DOCK8: variants seen among roughly 807,000 people sequenced by gnomAD.
DOCK8 encodes dedicator of cytokinesis 8, also known as dedicator of cytokinesis protein 8.
Under a neutral mutation model 245.6 loss-of-function variants are expected in DOCK8, and 141 were observed. That is an observed-to-expected ratio of 0.57 (90% CI 0.50 to 0.66). DOCK8 has a LOEUF of 0.66. Ranked by LOEUF, DOCK8 falls within the 30% of genes least tolerant of loss-of-function variation. The probability of loss-of-function intolerance (pLI) is 0.00; values close to 1 mark genes in which losing one functional copy is unlikely to be tolerated. For missense variants in DOCK8, 2,965 were observed against 2,603.4 expected (o/e 1.14, Z -3.02); for synonymous variants, 1,168 against 970.2 (o/e 1.20, Z -3.79).
rs559700991 is a variant in DOCK8, at chr9:401,626, CTG to C, written c.3234+2368_3234+2369del. The stretch of plus-strand genomic sequence containing the variant: ...TTATATGAGCTATTTTTGTTAATGA[CTG>C]GGCATGGTAAAATTTGAGTTAGGTA... On this transcript the variant is annotated intron_variant, in intron 26 of 47. Coordinates refer to ENST00000432829, the MANE Select transcript of DOCK8 (RefSeq NM_203447.4). 2.3e-3 allele frequency among the ~76,000 whole-genome samples: 353 copies of C among 152,138 alleles called. 4 individuals carry two copies. Among genetic ancestry groups the C allele is most frequent in the African/African-American group, 8.0e-3 (331 of 41,508 alleles).
chr9:277,654 A>G (rs1044314610), intron 2 of DOCK8, among the ~76,000 whole-genome samples: 1 of 152,112 alleles, frequency 6.6e-6, no homozygotes, highest in Non-Finnish European at 1.5e-5. Flanking sequence ...ACCTTAAGCT[A>G]CATATTTTAT....
At chr9:262,692 G>T (rs2047946232) in intron 1 of DOCK8, among the ~76,000 whole-genome samples, 1 of 151,796 alleles carries the variant, frequency 6.6e-6, no homozygotes, top group South Asian at 2.1e-4. Context: ...AATTAAGAAG[G>T]GGCATGAAGA....
rs201776049 is a variant in DOCK8 at position 441,358 on chromosome 9, C to T, written c.5296C>T (p.Arg1766Trp). The change falls in exon 41 of 48, where the codon CGG becomes TGG. Residue 1766 changes from arginine to tryptophan, a missense_variant. Transcript: ENST00000432829. ...IPILEAHREF[R>W]KLTLTHSKLQ... ...CATCCTAGAAGCGCATCGAGAATTC[C>T]GGAAGCTGACACTCACTCACAGCAA... is the stretch of plus-strand genomic sequence containing the variant. 297 of 1,614,064 alleles carry T rather than the reference C, an allele frequency of 1.8e-4. No homozygotes were observed. Among genetic ancestry groups the T allele is most frequent in the Admixed American group, 4.2e-4 (25 of 60,008 alleles).
chr9:429,827 C>T lies in DOCK8; in HGVS notation c.4599C>T (p.Leu1533=). 1 of 1,614,158 alleles carries T rather than the reference C, an allele frequency of 6.2e-7. No homozygotes were observed. The highest frequency in any genetic ancestry group is 8.5e-7 in the Non-Finnish European group (1 of 1,180,020). ...RSQACATLYL[L]MRFSFGATSN... is the part of the protein sequence containing the mutation. ...AAGCCTGTGCCACCCTTTACCTCCTCATGAGGTTCAGTTTTGGAGCCACCA... is the reference window on the plus strand; with the variant it reads ...AAGCCTGTGCCACCCTTTACCTCCTTATGAGGTTCAGTTTTGGAGCCACCA... Residue 1533 remains leucine, a synonymous_variant, in exon 36 of 48, where the codon CTC becomes CTT. Transcript: ENST00000432829.
At chr9:429,567 C>G (rs2056631907) in intron 35 of DOCK8, 135 bp from the exon 36 acceptor site, 3 of 1,017,554 alleles carry the variant, frequency 2.9e-6, no homozygotes, top group African/African-American at 3.2e-5. Flanking sequence ...TCACATAGCT[C>G]ATTATCTTTA....
rs922714329 is a variant in DOCK8 at position 428,348 on chromosome 9, T to C, written c.4339-14T>C. The C allele has an allele frequency of 2.5e-6, 4 of 1,614,082 alleles. No individual in the cohort carries two copies. The African/African-American group carries it at 5.3e-5, about 22-fold the overall frequency. On this transcript the variant is annotated splice_polypyrimidine_tract_variant and intron_variant, in intron 34 of 47. Coordinates refer to ENST00000432829, the MANE Select transcript of DOCK8 (RefSeq NM_203447.4). ...GTGCAGGGATTCAATGATGCTGTTC[T>C]TCCATTCCCCCAGGCGAGCTCGGCT...
Position 422,144 on chromosome 9 carries a change from C to G in DOCK8, c.4241+9C>G. On this transcript the variant is annotated intron_variant, in intron 33 of 47. Transcript: ENST00000432829. ...AATGAGAAGCTAGATAAGTGAGTCACTCGGCAACTTTCTGCTACTTTTACC... is the reference window on the plus strand; with the variant it reads ...AATGAGAAGCTAGATAAGTGAGTCAGTCGGCAACTTTCTGCTACTTTTACC... 1 of 1,613,416 alleles carries G rather than the reference C, an allele frequency of 6.2e-7. No individual in the cohort carries two copies. Among genetic ancestry groups the G allele is most frequent in the Non-Finnish European group, 8.5e-7 (1 of 1,179,440 alleles).
intron 14 of DOCK8, among the ~76,000 whole-genome samples, chr9:343,944 C>T (rs1298090994): frequency 6.6e-6 from 1 of 152,228 alleles, no homozygotes; most frequent in African/African-American, 2.4e-5. Context: ...CCCTTAATTA[C>T]ATCACAGTGG....
intron 34 of DOCK8, among the ~76,000 whole-genome samples, chr9:427,924 T>C (rs2056559842): frequency 6.6e-6 from 1 of 152,252 alleles, no homozygotes; most frequent in Non-Finnish European, 1.5e-5. Context: ...CCTTTTGTTA[T>C]TATCCTTGGT....
chr9:260,871 A>C (rs1322425239), intron 1 of DOCK8, among the ~76,000 whole-genome samples: 1 of 152,240 alleles, frequency 6.6e-6, no homozygotes, highest in Non-Finnish European at 1.5e-5. Flanking sequence ...AGGAATGAAC[A>C]ATGGGTGAAC....
At chr9:368,228 C>A in intron 15 of DOCK8, 93 bp downstream of exon 15, 1 of 1,085,120 alleles carries the variant, frequency 9.2e-7, no homozygotes, top group South Asian at 1.2e-5. Flanking sequence ...TGTACAAAGT[C>A]CGTCTATTCC....
intron 1 of DOCK8, among the ~76,000 whole-genome samples, chr9:234,717 G>A (rs1013216163): frequency 2.0e-5 from 3 of 152,056 alleles, no homozygotes; most frequent in African/African-American, 7.2e-5. Flanking sequence ...CATTCATCAC[G>A]TAGCTCTTTT....
rs77749405 is a variant in DOCK8, at chr9:371,803, G to A, written c.2007+237G>A. Reference sequence around the variant, plus strand: ...AGAATACTCATCTGTTTTTTAAAAAGCATTGCAGTGTTCACTATTTCCAAA... The same window carrying A: ...AGAATACTCATCTGTTTTTTAAAAAACATTGCAGTGTTCACTATTTCCAAA... On this transcript the variant is annotated intron_variant, in intron 17 of 47. Coordinates refer to ENST00000432829, the MANE Select transcript of DOCK8 (RefSeq NM_203447.4). Among the ~76,000 whole-genome samples, 1,528 of 152,308 alleles carry A rather than the reference G, an allele frequency of 0.01. 29 individuals are homozygous for A. Among genetic ancestry groups the A allele is most frequent in the African/African-American group, 0.035 (1,465 of 41,566 alleles).
At chr9:433,140 A>C (rs1022506992) in intron 37 of DOCK8, among the ~76,000 whole-genome samples, 3 of 152,194 alleles carry the variant, frequency 2.0e-5, no homozygotes, top group Admixed American at 1.3e-4. Flanking sequence ...CTCTCATTTC[A>C]TCTTGACCAT....
intron 18 of DOCK8, among the ~76,000 whole-genome samples, chr9:372,949 G>C (rs942334937): frequency 6.6e-6 from 1 of 152,064 alleles, no homozygotes; most frequent in Admixed American, 6.5e-5. Context: ...CAGATCACTT[G>C]AGGTGAGAAG....
At position 451,882 on chromosome 9, in the gene DOCK8, TAC is replaced by T. The variant is rs1474785074; in HGVS notation, c.5962-127_5962-126del. 12 of 202,726 alleles carry T rather than the reference TAC, an allele frequency of 5.9e-5. 4 individuals carry two copies. The highest frequency in any genetic ancestry group is 2.8e-4 in the Admixed American group (3 of 10,634). 12.6% of individuals were successfully genotyped at this position (202,726 alleles called of 1,614,324 possible). ...ATATATATGTGTGTGTATATATATA[TAC>T]ATATATATGCATATACATATACATA... On this transcript the variant is annotated intron_variant, in intron 45 of 47. Transcript: ENST00000432829.
intron 45 of DOCK8, 31 bp from the exon 46 acceptor site, chr9:451,971 ATATATATTT>A (rs2057469448): frequency 6.0e-5 from 24 of 401,326 alleles, no homozygotes; most frequent in South Asian, 6.0e-4. Flanking sequence ...ATATATATAT[ATATATATTT>A]TTTTTTTTTT....
chr9:226,013 GA>G (rs963410947), intron 1 of DOCK8, among the ~76,000 whole-genome samples: 2 of 152,130 alleles, frequency 1.3e-5, no homozygotes, highest in African/African-American at 4.8e-5. Flanking sequence ...AAAGGCAATG[GA>G]AAAAATTTAA....
chr9:464,681 C>T lies in DOCK8; in HGVS notation c.*462C>T, dbSNP rs760251612. 4 of 186,292 alleles carry T rather than the reference C, an allele frequency of 2.1e-5. No individual in the cohort carries two copies. The highest frequency in any genetic ancestry group is 1.0e-4 in the South Asian group (1 of 9,836). The allele number at this position is 186,292 out of a possible 1,614,324, so 11.5% of individuals were successfully genotyped here. ...AAGGCAGGGCAAACTTGTAGGAGTA[C>T]GAAACATTTTCAATAAATCTACAAA... On this transcript the variant is annotated 3_prime_UTR_variant, in exon 48 of 48. Coordinates refer to ENST00000432829, the MANE Select transcript of DOCK8 (RefSeq NM_203447.4).
Sources: gnomAD v4.1 joint callset for allele counts (sites outside exome capture counted in the v4.1 genomes callset) on GRCh38, gnomAD v4.1.1 for gene constraint, MANE v1.5 for transcripts, NCBI Gene and HGNC (gene_info 2026-07-23, HGNC 2026-07-21) for gene names.